AOPEP: variants seen among roughly 807,000 people sequenced by gnomAD.
AOPEP encodes aminopeptidase O.
In AOPEP, 77 loss-of-function variants were observed where a neutral mutation model predicts 98.1. That is an observed-to-expected ratio of 0.78 (90% CI 0.65 to 0.95). The LOEUF (loss-of-function observed/expected upper bound fraction) is 0.95. Among genes scored for constraint, AOPEP ranks in the 40% least tolerant of loss-of-function variants. AOPEP has a pLI of 0.00. For synonymous variants in AOPEP, 346 were observed against 365.3 expected (o/e 0.95, Z 0.60); for missense variants, 1,024 against 1,024.7 (o/e 1.00, Z 0.01).
At chr9:94,752,803 G>T (rs757551714) in intron 1 of AOPEP, among the ~76,000 whole-genome samples, 5 of 152,086 alleles carry the variant, frequency 3.3e-5, no homozygotes, top group African/African-American at 4.8e-5. Context: ...ATCTGGATTG[G>T]CCTTATGAGT....
chr9:94,858,633 A>G (rs1450065373), intron 5 of AOPEP, among the ~76,000 whole-genome samples: 2 of 152,204 alleles, frequency 1.3e-5, no homozygotes, highest in Non-Finnish European at 2.9e-5. Flanking sequence ...TGTCCCTCCC[A>G]GAGTTGATGT....
chr9:94,768,837 A>G (rs554485698), intron 2 of AOPEP, among the ~76,000 whole-genome samples: 9 of 152,324 alleles, frequency 5.9e-5, no homozygotes, highest in Admixed American at 5.2e-4. Flanking sequence ...GGAAGGAATT[A>G]CTCGATCTAG....
intron 16 of AOPEP, among the ~76,000 whole-genome samples, chr9:95,084,757 T>TG (rs1247345393): frequency 6.6e-6 from 1 of 150,890 alleles, no homozygotes; most frequent in East Asian, 2.0e-4. Context: ...CCCCTCCAGA[T>TG]GCATCCAGGG....
At chr9:94,855,233 A>G (rs1251209374) in intron 5 of AOPEP, among the ~76,000 whole-genome samples, 1 of 151,686 alleles carries the variant, frequency 6.6e-6, no homozygotes, top group Non-Finnish European at 1.5e-5. Flanking sequence ...GTGTGCCACC[A>G]CGCCTGGCTA....
chr9:95,126,708 A>C, the AOPEP span: 2 of 930,052 alleles, frequency 2.2e-6, no homozygotes, highest in African/African-American at 1.6e-5. Flanking sequence ...CCTTTTGGTT[A>C]GAAGAACGAA....
intron 5 of AOPEP, among the ~76,000 whole-genome samples, chr9:94,809,729 A>G (rs933314550): frequency 3.9e-5 from 6 of 152,288 alleles, no homozygotes; most frequent in Non-Finnish European, 8.8e-5. Flanking sequence ...AGTTATATGC[A>G]TTTAGTACAA....
intron 7 of AOPEP, chr9:94,932,107 G>T: frequency 9.5e-7 from 1 of 1,047,188 alleles, no homozygotes. Flanking sequence ...CCTGTCTTCA[G>T]GGAACTGAGA....
At chr9:94,822,785 A>G (rs1853545179) in intron 5 of AOPEP, among the ~76,000 whole-genome samples, 2 of 152,280 alleles carry the variant, frequency 1.3e-5, no homozygotes, top group South Asian at 4.1e-4. Context: ...AGTACATGTC[A>G]TGTATCATCC....
chr9:94,843,880 T>A (rs2042552693), intron 5 of AOPEP, among the ~76,000 whole-genome samples: 4 of 152,244 alleles, frequency 2.6e-5, no homozygotes, highest in Admixed American at 2.0e-4. Flanking sequence ...TGTTATTTTT[T>A]AAGTTATTGC....
At position 94,891,192 on chromosome 9, in the gene AOPEP, C is replaced by T. The variant is rs563725997; in HGVS notation, c.1365-32794C>T. Reference sequence around the variant, plus strand: ...AGTAATGTTTGTCTTTTTTACTTTTCTTTGCTCAGAAGTCTACTTAGTCTA... The same window carrying T: ...AGTAATGTTTGTCTTTTTTACTTTTTTTTGCTCAGAAGTCTACTTAGTCTA... On this transcript the variant is annotated intron_variant, in intron 5 of 16. Coordinates refer to ENST00000375315, the MANE Select transcript of AOPEP (RefSeq NM_001193329.3). 5.9e-5 allele frequency among the ~76,000 whole-genome samples: 9 copies of T among 152,264 alleles called. No individual in the cohort carries two copies. The East Asian group carries it at 1.7e-3, about 29-fold the overall frequency.
At chr9:95,093,809 C>A in the AOPEP span, among the ~76,000 whole-genome samples, 1 of 152,144 alleles carries the variant, frequency 6.6e-6, no homozygotes, top group African/African-American at 2.4e-5. Context: ...CGCTGTAACT[C>A]GAGAGGCAGT....
downstream of AOPEP, among the ~76,000 whole-genome samples, chr9:95,091,345 G>A (rs745625882): frequency 3.4e-4 from 51 of 152,182 alleles, 1 homozygote; most frequent in African/African-American, 2.7e-4. Flanking sequence ...CTCTGGGTGC[G>A]CAGGGCCCAC....
intron 1 of AOPEP, among the ~76,000 whole-genome samples, chr9:94,751,616 T>G (rs1027835063): frequency 2.6e-5 from 4 of 152,148 alleles, no homozygotes; most frequent in Non-Finnish European, 5.9e-5. Context: ...CTGGGCTTCT[T>G]TTCTTTGCAC....
In AOPEP at chr9:94,946,197, A is replaced by C. The variant is rs900443638; in HGVS notation, c.1662-8980A>C. On this transcript the variant is annotated intron_variant, in intron 7 of 16. Coordinates refer to ENST00000375315, the MANE Select transcript of AOPEP (RefSeq NM_001193329.3). ...TTAGTTTTTTTGAAATGAAAACCAC[A>C]CTTGATGCTGATTTAGCAAGGCCAA... Among the ~76,000 whole-genome samples the C allele has an allele frequency of 2.6e-4, 40 of 152,200 alleles. 1 individual carries two copies. The highest frequency in any genetic ancestry group is 5.4e-4 in the Non-Finnish European group (37 of 68,036).
chr9:94,760,360 A>G lies in AOPEP; in HGVS notation c.577A>G (p.Thr193Ala), dbSNP rs1157964878. Residue 193 changes from threonine (T) to alanine (A), a missense_variant, in exon 2 of 17, where the codon ACT becomes GCT. Thr to Ala is a moderately conservative substitution (Grantham distance 58). Transcript: ENST00000375315. ...FRNQIVRELV[T>A]LPANRWREQL... ...GAATCAGATTGTACGTGAACTTGTG[A>G]CTTTGCCTGCAAATCGTTGGAGGGA... The G allele has an allele frequency of 1.2e-6, 2 of 1,614,184 alleles. No homozygotes were observed. The highest frequency in any genetic ancestry group is 8.5e-7 in the Non-Finnish European group (1 of 1,180,026).
At chr9:94,875,412 TCA>T (rs1397874198) in intron 5 of AOPEP, among the ~76,000 whole-genome samples, 2 of 145,454 alleles carry the variant, frequency 1.4e-5, no homozygotes, top group Non-Finnish European at 3.0e-5. Flanking sequence ...CAAAATGGAT[TCA>T]GAGACTTGGG....
At chr9:94,899,418 CT>C (rs1278425229) in intron 5 of AOPEP, among the ~76,000 whole-genome samples, 6 of 146,368 alleles carry the variant, frequency 4.1e-5, no homozygotes, top group Admixed American at 1.4e-4. Context: ...TTTATATTGA[CT>C]TTTTTTTAAC....
At chr9:94,845,892 C>T (rs1055586072) in intron 5 of AOPEP, among the ~76,000 whole-genome samples, 5 of 152,030 alleles carry the variant, frequency 3.3e-5, no homozygotes, top group African/African-American at 9.6e-5. Context: ...GTCAGGAGTT[C>T]GAGACCAGCC....
Position 95,046,759 on chromosome 9 carries a change from T to G in AOPEP, c.2116-13935T>G, listed in dbSNP as rs140574978. Among the ~76,000 whole-genome samples the G allele has an allele frequency of 1.3e-3, 196 of 152,354 alleles. 2 individuals carry two copies. The East Asian group carries it at 0.031, about 24-fold the overall frequency. ...TTATTTCATCTGCAGAACAAGTGTT[T>G]GGGAGTCATTTCTATATTTTTACTT... On this transcript the variant is annotated intron_variant, in intron 13 of 16. Transcript: ENST00000375315.
Sources: allele counts gnomAD v4.1 joint callset (sites outside exome capture counted in the v4.1 genomes callset), GRCh38; gene constraint gnomAD v4.1.1; transcripts MANE v1.5; gene names NCBI Gene and HGNC (gene_info 2026-07-23, HGNC 2026-07-21).